TMEM38B: variants seen among roughly 807,000 people sequenced by gnomAD.
The protein encoded by TMEM38B is transmembrane protein 38B.
Under a neutral mutation model 28.7 loss-of-function variants are expected in TMEM38B, and 24 were observed. That is an observed-to-expected ratio of 0.84 (90% CI 0.61 to 1.18). The LOEUF (loss-of-function observed/expected upper bound fraction) is 1.18, where lower values mean the gene tolerates loss of function less well. TMEM38B is among the 50% of genes most tolerant of loss of function. The probability of loss-of-function intolerance (pLI) is 0.00; values close to 1 mark genes in which losing one functional copy is unlikely to be tolerated. For missense variants in TMEM38B, 380 were observed against 350.9 expected (o/e 1.08, Z -0.66); for synonymous variants, 131 against 127.7 (o/e 1.03, Z -0.17).
chr9:105,770,512 C>A (rs1479744833), intron 5 of TMEM38B, among the ~76,000 whole-genome samples: 2 of 151,800 alleles, frequency 1.3e-5, no homozygotes, highest in African/African-American at 4.8e-5. Flanking sequence ...AGATATATAC[C>A]AGAAATGAAC....
chr9:105,720,211 A>T, intron 2 of TMEM38B, among the ~76,000 whole-genome samples: 1 of 152,086 alleles, frequency 6.6e-6, no homozygotes, highest in Non-Finnish European at 1.5e-5. Flanking sequence ...TTGAATCCAG[A>T]TTGACTGCTA....
At position 105,774,139 on chromosome 9, in the gene TMEM38B, G is replaced by T. The variant is rs146363879; in HGVS notation, c.*59G>T. On this transcript the variant is annotated 3_prime_UTR_variant, in exon 6 of 6. Coordinates refer to ENST00000374692, the MANE Select transcript of TMEM38B (RefSeq NM_018112.3). ...TTTTTTCTTATCTACCTGTTATATT[G>T]TGCTAATTTTTCTATGTATGTGATG... 347 of 1,412,026 alleles carry T rather than the reference G, an allele frequency of 2.5e-4. No individual in the cohort carries two copies. In the African/African-American group the frequency reaches 4.4e-3, roughly 18 times the overall value. 87.5% of individuals were successfully genotyped at this position (1,412,026 alleles called of 1,614,324 possible).
chr9:105,768,228 CATTG>C (rs1472307003), intron 5 of TMEM38B, among the ~76,000 whole-genome samples: 3 of 152,076 alleles, frequency 2.0e-5, no homozygotes, highest in Non-Finnish European at 4.4e-5. Flanking sequence ...TAGTGGATTA[CATTG>C]ATTGATTATT....
intron 5 of TMEM38B, among the ~76,000 whole-genome samples, chr9:105,770,364 TTTG>T (rs1448613331): frequency 1.3e-5 from 2 of 152,146 alleles, no homozygotes; most frequent in Non-Finnish European, 2.9e-5. Flanking sequence ...TTAATATATA[TTTG>T]TTGACTGACT....
At chr9:105,726,784 A>G (rs10816304) in intron 4 of TMEM38B, among the ~76,000 whole-genome samples, 35,496 of 152,004 alleles carry the variant, frequency 0.23, 6,805 homozygotes, top group African/African-American at 0.51. Context: ...GTATATATAA[A>G]TTGTATTAAA....
chr9:105,717,505 G>A (rs140950889), intron 2 of TMEM38B, among the ~76,000 whole-genome samples: 1 of 152,132 alleles, frequency 6.6e-6, no homozygotes, highest in Non-Finnish European at 1.5e-5. Flanking sequence ...TATTAATTCT[G>A]TTACGGTAAA....
At chr9:105,747,220 T>C (rs1271964012) in intron 4 of TMEM38B, among the ~76,000 whole-genome samples, 7 of 152,220 alleles carry the variant, frequency 4.6e-5, no homozygotes. Flanking sequence ...CTTTTTTTGG[T>C]TGGTAAGCTA....
chr9:105,721,579 C>G lies in TMEM38B; in HGVS notation c.312C>G (p.Gly104=), dbSNP rs1197853878. 1 of 1,612,484 alleles carries G rather than the reference C, an allele frequency of 6.2e-7. No individual in the cohort carries two copies. Among genetic ancestry groups the G allele is most frequent in the Non-Finnish European group, 8.5e-7 (1 of 1,179,208 alleles). ...GCCCGCATGACCTAGTTTCCCAGGG[C>G]TATTCATATCTACCTGTTCAACTAC... ...FFCPHDLVSQ[G]YSYLPVQLLA... The change falls in exon 3 of 6, where the codon GGC becomes GGG. Residue 104 remains glycine, a synonymous_variant. Coordinates refer to ENST00000374692, the MANE Select transcript of TMEM38B (RefSeq NM_018112.3).
At chr9:105,716,856 G>A (rs1836118203) in intron 2 of TMEM38B, among the ~76,000 whole-genome samples, 1 of 152,114 alleles carries the variant, frequency 6.6e-6, no homozygotes, top group Admixed American at 6.5e-5. Context: ...GGGACAGGTA[G>A]GTGACAGTGA....
chr9:105,721,470 G>C, intron 2 of TMEM38B, 67 bp from the exon 3 acceptor site: 3 of 1,166,960 alleles, frequency 2.6e-6, no homozygotes, highest in Non-Finnish European at 3.5e-6. Flanking sequence ...GTTGCTGTTA[G>C]GTTAGATTTT....
At chr9:105,711,097 C>T (rs1458267485) in intron 2 of TMEM38B, among the ~76,000 whole-genome samples, 2 of 152,060 alleles carry the variant, frequency 1.3e-5, no homozygotes, top group Non-Finnish European at 2.9e-5. Flanking sequence ...GTTATATATC[C>T]ATCATTTAGA....
At chr9:105,764,766 C>A (rs1225933734) in intron 5 of TMEM38B, among the ~76,000 whole-genome samples, 2 of 151,346 alleles carry the variant, frequency 1.3e-5, no homozygotes, top group African/African-American at 4.9e-5. Context: ...AAAGAGCCCG[C>A]ATCGCCAAGT....
chr9:105,725,965 T>A (rs184428772), intron 4 of TMEM38B, among the ~76,000 whole-genome samples: 4 of 152,286 alleles, frequency 2.6e-5, no homozygotes, highest in Admixed American at 2.6e-4. Flanking sequence ...TTTTCTTTTT[T>A]AAAAAATTTC....
intron 1 of TMEM38B, among the ~76,000 whole-genome samples, chr9:105,703,368 G>A: frequency 6.6e-6 from 1 of 152,088 alleles, no homozygotes; most frequent in Non-Finnish European, 1.5e-5. Flanking sequence ...CTCTACAAAG[G>A]ACATGAACTC....
chr9:105,725,839 C>T lies in TMEM38B; in HGVS notation c.542+3218C>T, dbSNP rs191458714. On this transcript the variant is annotated intron_variant, in intron 4 of 5. Coordinates refer to ENST00000374692, the MANE Select transcript of TMEM38B (RefSeq NM_018112.3). ...CACTGAGCAAATGGTAAGTGAAGAC[C>T]TAGGACATTAGTGTGCACTACTGTA... is the stretch of plus-strand genomic sequence containing the variant. 2.0e-5 allele frequency among the ~76,000 whole-genome samples: 3 copies of T among 152,202 alleles called. No homozygotes were observed. In the East Asian group the frequency reaches 5.8e-4, roughly 29 times the overall value.
chr9:105,713,391 C>G (rs992682569), intron 2 of TMEM38B, among the ~76,000 whole-genome samples: 1 of 152,212 alleles, frequency 6.6e-6, no homozygotes, highest in African/African-American at 2.4e-5. Context: ...GCTGCCTGGC[C>G]TCTCCCCAAT....
At chr9:105,738,171 G>A (rs541581196) in intron 4 of TMEM38B, among the ~76,000 whole-genome samples, 5 of 152,170 alleles carry the variant, frequency 3.3e-5, no homozygotes, top group Middle Eastern at 3.4e-3. Flanking sequence ...GAACACAGCC[G>A]TATGGACTCT....
At chr9:105,729,720 A>C (rs948095180) in intron 4 of TMEM38B, among the ~76,000 whole-genome samples, 1 of 152,068 alleles carries the variant, frequency 6.6e-6, no homozygotes, top group African/African-American at 2.4e-5. Context: ...TGAGCAAGGA[A>C]TGTTCTTTCA....
chr9:105,706,375 C>T (rs901097196), intron 2 of TMEM38B, among the ~76,000 whole-genome samples: 9 of 152,128 alleles, frequency 5.9e-5, no homozygotes, highest in East Asian at 1.9e-4. Context: ...TGTTGCGGGA[C>T]GCAGAGGATT....
Sources: gnomAD v4.1 joint callset for allele counts (sites outside exome capture counted in the v4.1 genomes callset) on GRCh38, gnomAD v4.1.1 for gene constraint, MANE v1.5 for transcripts, NCBI Gene and HGNC (gene_info 2026-07-23, HGNC 2026-07-21) for gene names.